Variants in SHROOM4 observed in about 807,000 individuals in gnomAD.
SHROOM4 encodes the protein protein Shroom4.
In SHROOM4, 17 loss-of-function variants were observed where a neutral mutation model predicts 80.3. The ratio of observed to expected loss-of-function variants is 0.21; its 90% confidence interval spans 0.14 to 0.32. The LOEUF is 0.32. Ranked by LOEUF, SHROOM4 falls within the 10% of genes least tolerant of loss-of-function variation. SHROOM4 has a pLI of 1.00. For synonymous variants in SHROOM4, 400 were observed against 437.5 expected, an observed-to-expected ratio of 0.91 and a Z score of 1.07; for missense variants, 993 against 1,140.3, an observed-to-expected ratio of 0.87 and a Z score of 1.86.
chrX:50,724,089 C>A (rs1343580192), intron 1 of SHROOM4, among the ~76,000 whole-genome samples: 4 of 110,353 alleles, frequency 3.6e-5, no homozygotes, highest in African/African-American at 1.3e-4. Context: ...CTTACGATCC[C>A]ATTAAAACCT....
intron 1 of SHROOM4, among the ~76,000 whole-genome samples, chrX:50,789,452 A>G (rs1935812561): frequency 8.9e-6 from 1 of 111,954 alleles, no homozygotes; most frequent in African/African-American, 3.2e-5. Flanking sequence ...TTTTGAGATA[A>G]ATGAAAAACA....
Position 50,596,738 on chromosome X carries a change from T to G in SHROOM4, c.4439A>C (p.Lys1480Thr). 3 of 1,211,780 alleles carry G rather than the reference T, an allele frequency of 2.5e-6. No homozygotes were observed. The highest frequency in any genetic ancestry group is 2.2e-6 in the Non-Finnish European group (2 of 895,590). ...CAGGAGTAGACTCTCCCTGAGACAT[T>G]TGAGTTGCTCTTCCCCGAGCTTGAT... ...EKIKLGEEQL[K>T]CLRESLLLGP... Residue 1480 changes from lysine to threonine, a missense_variant, in exon 9 of 9, where the codon AAA becomes ACA. Transcript: ENST00000376020.
chrX:50,812,317 TAAAAA>T (rs34184946), intron 1 of SHROOM4, among the ~76,000 whole-genome samples: 34 of 66,767 alleles, frequency 5.1e-4, no homozygotes, highest in African/African-American at 1.9e-3. Flanking sequence ...GTGTTTTTGT[TAAAAA>T]AAAAAAAAAA....
chrX:50,655,586 TTCTTTATTCATCA>T (rs1458628328), intron 2 of SHROOM4, among the ~76,000 whole-genome samples: 1 of 106,462 alleles, frequency 9.4e-6, no homozygotes, highest in Non-Finnish European at 1.9e-5. Context: ...ATAACATATT[TTCTTTATTCATCA>T]TCTTTATTCA....
At chrX:50,698,485 G>C (rs971763994) in intron 1 of SHROOM4, among the ~76,000 whole-genome samples, 6 of 111,558 alleles carry the variant, frequency 5.4e-5, no homozygotes, top group African/African-American at 2.0e-4. Context: ...AGTTCAGAAG[G>C]GTCCAGATCA....
intron 1 of SHROOM4, among the ~76,000 whole-genome samples, chrX:50,725,688 T>G (rs1198187156): frequency 1.8e-5 from 2 of 112,707 alleles, no homozygotes; most frequent in Non-Finnish European, 3.7e-5. Context: ...CCTTCTGCCA[T>G]AATTGTAAGT....
At chrX:50,715,739 G>A (rs1933932993) in intron 1 of SHROOM4, among the ~76,000 whole-genome samples, 1 of 110,468 alleles carries the variant, frequency 9.1e-6, no homozygotes, top group Non-Finnish European at 1.9e-5. Flanking sequence ...GCTGTGGTGA[G>A]GCTTGCACAG....
intron 1 of SHROOM4, among the ~76,000 whole-genome samples, chrX:50,783,356 A>G (rs1278220259): frequency 8.9e-6 from 1 of 112,138 alleles, no homozygotes; most frequent in Non-Finnish European, 1.9e-5. Flanking sequence ...ACTTAGAGAT[A>G]AATTTGGCAA....
At chrX:50,686,314 C>T (rs1489299737) in intron 2 of SHROOM4, among the ~76,000 whole-genome samples, 2 of 110,617 alleles carry the variant, frequency 1.8e-5, no homozygotes, top group Non-Finnish European at 3.8e-5. Flanking sequence ...GGATTACAGG[C>T]GTGAGTCCCC....
At position 50,666,986 on chromosome X, in the gene SHROOM4, G is replaced by T. The variant is rs1323813372; in HGVS notation, c.270-28678C>A. Among the ~76,000 whole-genome samples the T allele has an allele frequency of 3.6e-5, 4 of 111,878 alleles. No homozygotes were observed. The Admixed American group carries it at 3.8e-4, about 11-fold the overall frequency. ...AAAGGAAGAATATATCTCTGCATTA[G>T]GAGCCAGAGACAATCATTTTTAGCT... is the stretch of plus-strand genomic sequence containing the variant. On this transcript the variant is annotated intron_variant, in intron 2 of 8. Coordinates refer to ENST00000376020, the MANE Select transcript of SHROOM4 (RefSeq NM_020717.5).
chrX:50,778,270 T>C (rs1011676386), intron 1 of SHROOM4, among the ~76,000 whole-genome samples: 3 of 112,600 alleles, frequency 2.7e-5, no homozygotes, highest in Non-Finnish European at 5.6e-5. Flanking sequence ...AGTTCCCATA[T>C]AATCAGCTAA....
chrX:50,763,718 C>T (rs975509554), intron 1 of SHROOM4, among the ~76,000 whole-genome samples: 3 of 111,450 alleles, frequency 2.7e-5, no homozygotes, highest in Non-Finnish European at 5.6e-5. Flanking sequence ...GCTTATGCCC[C>T]TTAAGCCTTA....
chrX:50,600,974 T>C lies in SHROOM4; in HGVS notation c.3942+1659A>G, dbSNP rs781810732. ...TGACCCACTTGGAAAATCACCTTCT[T>C]ACCCCAGTTCCCAAGCTCCAGGGAT... is the stretch of plus-strand genomic sequence containing the variant. On this transcript the variant is annotated intron_variant, in intron 7 of 8. Coordinates refer to ENST00000376020, the MANE Select transcript of SHROOM4 (RefSeq NM_020717.5). 8.9e-5 allele frequency among the ~76,000 whole-genome samples: 10 copies of C among 111,973 alleles called. No individual in the cohort carries two copies. The South Asian group carries it at 3.0e-3, about 34-fold the overall frequency.
At chrX:50,758,389 C>A (rs1935082389) in intron 1 of SHROOM4, among the ~76,000 whole-genome samples, 1 of 111,940 alleles carries the variant, frequency 8.9e-6, no homozygotes, top group African/African-American at 3.2e-5. Context: ...AAATTCCCTT[C>A]TATTCCTAAC....
At chrX:50,662,815 C>T (rs56350870) in intron 2 of SHROOM4, among the ~76,000 whole-genome samples, 8 of 110,765 alleles carry the variant, frequency 7.2e-5, no homozygotes, top group African/African-American at 2.3e-4. Flanking sequence ...GAAGAAACTA[C>T]GCTCCTTGGA....
At chrX:50,639,664 G>A (rs1466684164) in intron 2 of SHROOM4, among the ~76,000 whole-genome samples, 3 of 111,525 alleles carry the variant, frequency 2.7e-5, no homozygotes, top group Non-Finnish European at 5.6e-5. Context: ...CCTCCCAGGA[G>A]CATTCATGGT....
chrX:50,730,797 T>A (rs987376626), intron 1 of SHROOM4, among the ~76,000 whole-genome samples: 15 of 98,121 alleles, frequency 1.5e-4, no homozygotes, highest in Admixed American at 1.1e-4. Flanking sequence ...AAAAAAAAAA[T>A]AACATTAACT....
chrX:50,691,480 A>G (rs1389777174), intron 2 of SHROOM4, among the ~76,000 whole-genome samples: 1 of 99,547 alleles, frequency 1.0e-5, no homozygotes, highest in Non-Finnish European at 2.1e-5. Flanking sequence ...AGAAATCATG[A>G]GTGGCTGGAT....
chrX:50,606,411 T>C (rs781836681), intron 6 of SHROOM4, among the ~76,000 whole-genome samples: 1 of 110,210 alleles, frequency 9.1e-6, no homozygotes, highest in East Asian at 2.9e-4. Context: ...CTCAGGCAAA[T>C]TCCTGCTATA....
Sources: allele counts gnomAD v4.1 joint callset (sites outside exome capture counted in the v4.1 genomes callset), GRCh38; gene constraint gnomAD v4.1.1; transcripts MANE v1.5; gene names NCBI Gene and HGNC (gene_info 2026-07-23, HGNC 2026-07-21).